Variants in DIXDC1 observed in about 807,000 individuals in gnomAD.
DIXDC1 encodes the protein dixin.
Under a neutral mutation model 103.1 loss-of-function variants are expected in DIXDC1, and 64 were observed. That is an observed-to-expected ratio of 0.62 (90% CI 0.51 to 0.76). The LOEUF (loss-of-function observed/expected upper bound fraction) is 0.76. Among genes scored for constraint, DIXDC1 ranks in the 30% least tolerant of loss-of-function variants. The probability of loss-of-function intolerance (pLI) is 0.00; values close to 1 mark genes in which losing one functional copy is unlikely to be tolerated. For missense variants in DIXDC1, 759 were observed against 834.2 expected (o/e 0.91, Z 1.11); for synonymous variants, 266 against 298.5 (o/e 0.89, Z 1.12).
At position 112,020,050 on chromosome 11, in the gene DIXDC1, T is replaced by C. The variant is rs1861708681; in HGVS notation, c.*1014T>C. The C allele has an allele frequency of 6.6e-6, 1 of 152,228 alleles. No individual in the cohort carries two copies. Among genetic ancestry groups the C allele is most frequent in the African/African-American group, 2.4e-5 (1 of 41,458 alleles). 9.4% of individuals were successfully genotyped at this position (152,228 alleles called of 1,614,324 possible). Reference sequence around the variant, plus strand: ...GTTATTTTCTATTTATGTATTAGTCTAGGCTGATCTTTTAGGGCACAATAG... The same window carrying C: ...GTTATTTTCTATTTATGTATTAGTCCAGGCTGATCTTTTAGGGCACAATAG... On this transcript the variant is annotated 3_prime_UTR_variant, in exon 20 of 20. Transcript: ENST00000440460.
chr11:112,011,314 G>A (rs1367123614), intron 17 of DIXDC1, among the ~76,000 whole-genome samples: 23 of 152,308 alleles, frequency 1.5e-4, no homozygotes, highest in Non-Finnish European at 2.8e-4. Context: ...ACAGATGCTG[G>A]AGAGGATGTG....
intron 17 of DIXDC1, among the ~76,000 whole-genome samples, chr11:112,000,888 G>C (rs1269343334): frequency 6.6e-6 from 1 of 152,154 alleles, no homozygotes; most frequent in Admixed American, 6.5e-5. Flanking sequence ...GATGTGAATG[G>C]TGCAGCTGCT....
intron 17 of DIXDC1, among the ~76,000 whole-genome samples, chr11:112,012,473 C>CA (rs1861454580): frequency 6.6e-6 from 1 of 152,158 alleles, no homozygotes; most frequent in South Asian, 2.1e-4. Context: ...ATAGGCTTTT[C>CA]AAAAACGGTG....
intron 17 of DIXDC1, among the ~76,000 whole-genome samples, chr11:112,007,685 A>G (rs587709814): frequency 1.3e-5 from 2 of 152,270 alleles, no homozygotes; most frequent in African/African-American, 2.4e-5. Context: ...TTTCAACGCA[A>G]AATTTCATAT....
intron 10 of DIXDC1, among the ~76,000 whole-genome samples, chr11:111,989,747 C>G (rs1275523559): frequency 6.6e-6 from 1 of 151,846 alleles, no homozygotes; most frequent in East Asian, 1.9e-4. Context: ...TGTCTGCCTG[C>G]CAGCCCTGTC....
intron 9 of DIXDC1, among the ~76,000 whole-genome samples, chr11:111,987,948 T>C (rs1592600112): frequency 6.6e-6 from 1 of 151,694 alleles, no homozygotes; most frequent in Non-Finnish European, 1.5e-5. Context: ...TGAGCCACTG[T>C]GCCTGGCCGA....
chr11:111,990,020 G>T (rs1860647470), intron 10 of DIXDC1, among the ~76,000 whole-genome samples: 2 of 151,048 alleles, frequency 1.3e-5, no homozygotes, highest in Admixed American at 1.3e-4. Context: ...TCCATCTCCT[G>T]ACCTTGTGAT....
At chr11:111,987,246 T>C (rs1419376493) in intron 9 of DIXDC1, among the ~76,000 whole-genome samples, 1 of 147,932 alleles carries the variant, frequency 6.8e-6, no homozygotes, top group Non-Finnish European at 1.5e-5. Context: ...TGAGACTCCA[T>C]CTCAAAAAAA....
intron 17 of DIXDC1, among the ~76,000 whole-genome samples, chr11:112,009,033 G>C (rs1170835832): frequency 6.6e-6 from 1 of 151,724 alleles, no homozygotes; most frequent in Non-Finnish European, 1.5e-5. Flanking sequence ...TTTTTTGAAG[G>C]GATCAACAAA....
chr11:111,994,400 CAT>C (rs587665197), intron 14 of DIXDC1, among the ~76,000 whole-genome samples: 21 of 149,850 alleles, frequency 1.4e-4, no homozygotes, highest in Non-Finnish European at 5.9e-5. Flanking sequence ...ACAAAACATA[CAT>C]ATATATATAT....
intron 17 of DIXDC1, among the ~76,000 whole-genome samples, chr11:112,004,728 T>C (rs1861180957): frequency 6.6e-6 from 1 of 152,118 alleles, no homozygotes; most frequent in Non-Finnish European, 1.5e-5. Flanking sequence ...GGAAGGAACA[T>C]TGAGGAACGA....
Position 111,992,986 on chromosome 11 carries a change from G to C in DIXDC1, c.1254G>C (p.Arg418=). The change falls in exon 12 of 20, where the codon CGG becomes CGC. Residue 418 remains arginine, a synonymous_variant. Coordinates refer to ENST00000440460, the MANE Select transcript of DIXDC1 (RefSeq NM_001037954.4). Reference sequence around the variant, plus strand: ...AGAGGAAGCTAGATGAGAGGAACCGGCTCTTGGGAGAATATAAAGTAAGAA... The same window carrying C: ...AGAGGAAGCTAGATGAGAGGAACCGCCTCTTGGGAGAATATAAAGTAAGAA... ...DLQRKLDERN[R]LLGEYKKELG... 1 of 1,606,902 alleles carries C rather than the reference G, an allele frequency of 6.2e-7. No individual in the cohort carries two copies. Among genetic ancestry groups the C allele is most frequent in the Non-Finnish European group, 8.5e-7 (1 of 1,176,864 alleles).
chr11:111,996,026 T>C, intron 16 of DIXDC1, 54 bp from the exon 17 acceptor site: 1 of 1,539,728 alleles, frequency 6.5e-7, no homozygotes, highest in East Asian at 2.3e-5. Context: ...TTAAATTTCT[T>C]GGTTAAGTTC....
intron 17 of DIXDC1, among the ~76,000 whole-genome samples, chr11:112,006,282 G>A (rs1555176621): frequency 1.3e-5 from 2 of 152,334 alleles, no homozygotes; most frequent in Middle Eastern, 3.4e-3. Flanking sequence ...AAGCTGCCTG[G>A]AAGCTCAAAC....
At chr11:111,966,119 A>T (rs1192355782) in intron 2 of DIXDC1, among the ~76,000 whole-genome samples, 2 of 149,150 alleles carry the variant, frequency 1.3e-5, no homozygotes, top group African/African-American at 5.0e-5. Flanking sequence ...TTCCCATTCT[A>T]TGTCTATACA....
intron 17 of DIXDC1, among the ~76,000 whole-genome samples, chr11:112,008,068 G>A (rs985609438): frequency 6.7e-6 from 1 of 150,284 alleles, no homozygotes; most frequent in Admixed American, 6.6e-5. Context: ...CCCATATCAC[G>A]TGCAGAGACA....
intron 1 of DIXDC1, among the ~76,000 whole-genome samples, chr11:111,929,154 G>C (rs1177083401): frequency 2.0e-5 from 3 of 152,182 alleles, no homozygotes; most frequent in Admixed American, 6.5e-5. Flanking sequence ...ACTCCAGCCT[G>C]GGCGACAGAG....
Position 111,929,786 on chromosome 11 carries a change from A to C in DIXDC1, c.-36-32A>C, listed in dbSNP as rs1965954850. 5 of 1,389,582 alleles carry C rather than the reference A, an allele frequency of 3.6e-6. No individual in the cohort carries two copies. The East Asian group carries it at 1.3e-4, about 35-fold the overall frequency. 86.1% of individuals were successfully genotyped at this position (1,389,582 alleles called of 1,614,324 possible). On this transcript the variant is annotated intron_variant, in intron 1 of 5. Coordinates refer to the DIXDC1 transcript ENST00000529225. ...TAAATTTTTTTTTTCCTGGCTTGTT[A>C]TTTTGTACATTTCTTATTCTTCCTG...
rs1555172366 is a variant in DIXDC1, at chr11:111,974,192, TCTG to T, written c.487_489del (p.Leu163del). ...CTGTTGCCCAGGGAGCAGCTGCTGC[TCTG>T]GCCGATGTGTGTCATGACATGTCCC... On this transcript the variant is annotated inframe_deletion, in exon 4 of 20. Transcript: ENST00000440460. The T allele has an allele frequency of 6.8e-6, 11 of 1,613,886 alleles. No individual in the cohort carries two copies. Among genetic ancestry groups the T allele is most frequent in the Non-Finnish European group, 9.3e-6 (11 of 1,179,884 alleles).
Sources: allele counts gnomAD v4.1 joint callset (sites outside exome capture counted in the v4.1 genomes callset), GRCh38; gene constraint gnomAD v4.1.1; transcripts MANE v1.5; gene names NCBI Gene and HGNC (gene_info 2026-07-23, HGNC 2026-07-21).